Variants in TACR3 observed in about 807,000 individuals in gnomAD.
TACR3 encodes the protein neuromedin-K receptor.
A neutral mutation model predicts 35.0 loss-of-function variants in TACR3; 34 were observed. That is an observed-to-expected ratio of 0.97 (90% CI 0.74 to 1.30). TACR3 has a LOEUF of 1.30. TACR3 is among the 50% of genes most tolerant of loss of function. The probability of loss-of-function intolerance (pLI) is 0.00; values close to 1 mark genes in which losing one functional copy is unlikely to be tolerated. For missense variants in TACR3, 558 were observed against 591.7 expected (o/e 0.94, Z 0.59); for synonymous variants, 233 against 221.1 (o/e 1.05, Z -0.48).
chr4:103,614,713 A>G (rs1388262306), intron 3 of TACR3, among the ~76,000 whole-genome samples: 2 of 148,820 alleles, frequency 1.3e-5, no homozygotes, highest in East Asian at 3.9e-4. Flanking sequence ...TCAGGGGATT[A>G]TGAAGACTAA....
At chr4:103,612,504 C>CTT (rs200763921) in intron 3 of TACR3, among the ~76,000 whole-genome samples, 1 of 146,052 alleles carries the variant, frequency 6.8e-6, no homozygotes, top group Non-Finnish European at 1.5e-5. Context: ...CCATGAAGTT[C>CTT]TTTTTTTTTT....
At chr4:103,689,228 C>T (rs375002423) in intron 1 of TACR3, among the ~76,000 whole-genome samples, 1 of 128,090 alleles carries the variant, frequency 7.8e-6, no homozygotes, top group East Asian at 2.3e-4. Flanking sequence ...GGAAGGGGAA[C>T]ATCACACTCT....
At chr4:103,627,357 A>AT (rs1306231314) in intron 3 of TACR3, among the ~76,000 whole-genome samples, 8 of 102,158 alleles carry the variant, frequency 7.8e-5, no homozygotes, top group African/African-American at 3.3e-4. Flanking sequence ...TCCATTAAAA[A>AT]AAAAAAAAAA....
chr4:103,693,535 AT>A (rs1182595970), intron 1 of TACR3, among the ~76,000 whole-genome samples: 1 of 152,052 alleles, frequency 6.6e-6, no homozygotes, highest in Non-Finnish European at 1.5e-5. Context: ...GTAAATGTGC[AT>A]TTCTTTAATT....
At chr4:103,621,600 A>AT (rs563731822) in intron 3 of TACR3, among the ~76,000 whole-genome samples, 2 of 152,194 alleles carry the variant, frequency 1.3e-5, no homozygotes, top group South Asian at 4.1e-4. Context: ...TTTAGAGTTA[A>AT]TTTGAAGGTC....
chr4:103,677,729 G>A (rs532849671), intron 1 of TACR3, among the ~76,000 whole-genome samples: 1 of 152,194 alleles, frequency 6.6e-6, no homozygotes, highest in Admixed American at 6.5e-5. Flanking sequence ...GGAGGAAGAA[G>A]AGCATCATGA....
chr4:103,680,689 T>A (rs1345421623), intron 1 of TACR3, among the ~76,000 whole-genome samples: 1 of 151,686 alleles, frequency 6.6e-6, no homozygotes, highest in Non-Finnish European at 1.5e-5. Flanking sequence ...CTTTTTCAGG[T>A]CTCATCATCA....
chr4:103,640,160 T>C (rs967492753), intron 3 of TACR3, among the ~76,000 whole-genome samples: 3 of 152,012 alleles, frequency 2.0e-5, no homozygotes, highest in African/African-American at 7.2e-5. Context: ...TATCAAGATG[T>C]AGTAGACCAG....
At chr4:103,679,704 A>G (rs1014334720) in intron 1 of TACR3, among the ~76,000 whole-genome samples, 5 of 151,932 alleles carry the variant, frequency 3.3e-5, no homozygotes, top group African/African-American at 1.2e-4. Context: ...TAGTTTGAGG[A>G]TACAAATTTA....
intron 3 of TACR3, among the ~76,000 whole-genome samples, chr4:103,614,172 C>T (rs965064624): frequency 3.3e-5 from 5 of 152,276 alleles, no homozygotes; most frequent in South Asian, 2.1e-4. Context: ...ACTTTCTAGA[C>T]TTTCCCTTTG....
At chr4:103,634,696 C>A (rs1725140501) in intron 3 of TACR3, among the ~76,000 whole-genome samples, 1 of 152,078 alleles carries the variant, frequency 6.6e-6, no homozygotes, top group Non-Finnish European at 1.5e-5. Context: ...AAATTTGTTT[C>A]TATTTTCTGT....
chr4:103,617,618 G>T (rs1225043497), intron 3 of TACR3, among the ~76,000 whole-genome samples: 2 of 152,122 alleles, frequency 1.3e-5, no homozygotes, highest in Non-Finnish European at 2.9e-5. Flanking sequence ...AAGAATTGGT[G>T]TATGCTGCCT....
At chr4:103,592,483 G>T (rs1476414815) in intron 3 of TACR3, among the ~76,000 whole-genome samples, 6 of 152,094 alleles carry the variant, frequency 3.9e-5, no homozygotes, top group African/African-American at 1.4e-4. Flanking sequence ...CCTGAAGACA[G>T]AATGTCTTAA....
intron 3 of TACR3, among the ~76,000 whole-genome samples, chr4:103,614,457 T>C (rs906364886): frequency 3.9e-5 from 6 of 152,300 alleles, no homozygotes; most frequent in African/African-American, 1.4e-4. Context: ...AATCATTAAA[T>C]GGTTGAGCAG....
At position 103,591,657 on chromosome 4, in the gene TACR3, GACA is replaced by G. The variant is rs904284991; in HGVS notation, c.912_914del (p.Val305del). The G allele has an allele frequency of 1.9e-6, 3 of 1,613,114 alleles. No homozygotes were observed. The highest frequency in any genetic ancestry group is 2.7e-5 in the African/African-American group (2 of 74,870). The stretch of plus-strand genomic sequence containing the variant: ...GCAGCCAGCAGATAGCAAATGTCAT[GACA>G]ACAATAATCATCATTTTGACAACCT... On this transcript the variant is annotated inframe_deletion, in exon 4 of 5. Coordinates refer to ENST00000304883, the MANE Select transcript of TACR3 (RefSeq NM_001059.3).
intron 3 of TACR3, among the ~76,000 whole-genome samples, chr4:103,631,673 A>G (rs1735311565): frequency 6.6e-6 from 1 of 152,206 alleles, no homozygotes; most frequent in Non-Finnish European, 1.5e-5. Flanking sequence ...CCTAAAGTCC[A>G]CAATTGGCTC....
In TACR3 at chr4:103,589,933, C is replaced by G; in HGVS notation, c.1147G>C (p.Asp383His). ...WCPFIKVSSYDELELKTTRFH... is the reference protein window; with the variant it reads ...WCPFIKVSSYHELELKTTRFH... ...CTGGTGGTCTTGAGCTCTAGCTCAT[C>G]ATAGCTGGAAACTTTGATGAAAGGA... Residue 383 changes from aspartate to histidine, a missense_variant, in exon 5 of 5, where the codon GAT (aspartate) becomes CAT (histidine). Coordinates refer to ENST00000304883, the MANE Select transcript of TACR3 (RefSeq NM_001059.3). The G allele has an allele frequency of 6.2e-7, 1 of 1,613,942 alleles. No homozygotes were observed. The highest frequency in any genetic ancestry group is 8.5e-7 in the Non-Finnish European group (1 of 1,179,882).
intron 1 of TACR3, among the ~76,000 whole-genome samples, chr4:103,718,780 T>C (rs1199436386): frequency 6.6e-6 from 1 of 152,226 alleles, no homozygotes; most frequent in Non-Finnish European, 1.5e-5. Context: ...ATAAATTTTG[T>C]TCAAAAGTCA....
At chr4:103,603,905 G>A (rs925619745) in intron 3 of TACR3, among the ~76,000 whole-genome samples, 3 of 152,092 alleles carry the variant, frequency 2.0e-5, no homozygotes, top group East Asian at 1.9e-4. Context: ...AGACACAAAC[G>A]GAAAAACATT....
Sources: gnomAD v4.1 joint callset for allele counts (sites outside exome capture counted in the v4.1 genomes callset) on GRCh38, gnomAD v4.1.1 for gene constraint, MANE v1.5 for transcripts, NCBI Gene and HGNC (gene_info 2026-07-23, HGNC 2026-07-21) for gene names.